SELP: variants seen among roughly 807,000 people sequenced by gnomAD.
SELP encodes the protein P-selectin.
SELP carries 92 observed loss-of-function variants against 104.1 expected under a neutral mutation model. The observed-to-expected ratio is 0.88, with a 90% CI of 0.75 to 1.05. The LOEUF is 1.05. Among genes scored for constraint, SELP ranks in the 50% least tolerant of loss-of-function variants. SELP has a pLI of 0.00. For synonymous variants in SELP, 397 were observed against 364.5 expected, an observed-to-expected ratio of 1.09 and a Z score of -1.01; for missense variants, 1,022 against 1,017.3, an observed-to-expected ratio of 1.00 and a Z score of -0.06.
intron 12 of SELP, 70 bp downstream of exon 12, chr1:169,595,855 C>T (rs1399289775): frequency 1.4e-6 from 2 of 1,415,110 alleles, no homozygotes; most frequent in Admixed American, 1.7e-5. Context: ...CTTCAACATA[C>T]AGGCACAATG....
chr1:169,609,975 A>G (rs1291043444), intron 7 of SELP, among the ~76,000 whole-genome samples: 1 of 152,090 alleles, frequency 6.6e-6, no homozygotes, highest in Non-Finnish European at 1.5e-5. Context: ...GTGCTCCCAC[A>G]GCCTCTGTTC....
intron 10 of SELP, among the ~76,000 whole-genome samples, chr1:169,602,601 G>C (rs779154795): frequency 3.9e-5 from 6 of 152,064 alleles, no homozygotes; most frequent in Non-Finnish European, 7.4e-5. Context: ...TGACATGAAA[G>C]CACTTCCTGA....
intron 2 of SELP, among the ~76,000 whole-genome samples, 183 bp from the exon 3 acceptor site, chr1:169,617,597 A>G (rs983135646): frequency 1.3e-5 from 2 of 152,222 alleles, no homozygotes; most frequent in Non-Finnish European, 2.9e-5. Context: ...CTTTCACTTA[A>G]AAGTGTGAAT....
chr1:169,608,298 C>T (rs1454696205), intron 8 of SELP, among the ~76,000 whole-genome samples: 3 of 151,998 alleles, frequency 2.0e-5, no homozygotes, highest in African/African-American at 4.8e-5. Flanking sequence ...CACCATTATT[C>T]ATCTCCAAAA....
At chr1:169,616,679 C>T (rs1435283216) in intron 3 of SELP, among the ~76,000 whole-genome samples, 1 of 152,164 alleles carries the variant, frequency 6.6e-6, no homozygotes, top group East Asian at 1.9e-4. Flanking sequence ...AAAAAAAGCT[C>T]TACACCTAAA....
In SELP at chr1:169,607,092, A is replaced by G. The variant is rs746326754; in HGVS notation, c.1376T>C (p.Val459Ala). ...GGCACCGAAGGGGTGGGAGCAGTTCACCCGGGCCTCATTTGGAACTGGGAG... is the reference window on the plus strand; with the variant it reads ...GGCACCGAAGGGGTGGGAGCAGTTCGCCCGGGCCTCATTTGGAACTGGGAG... ...QDLPVPNEAR[V>A]NCSHPFGAFR... Residue 459 changes from valine to alanine, a missense_variant, in exon 9 of 17, where the codon GTG becomes GCG. Val to Ala is a moderately conservative substitution (Grantham distance 64, BLOSUM62 0). Transcript: ENST00000263686. 6 of 1,607,810 alleles carry G rather than the reference A, an allele frequency of 3.7e-6. No individual in the cohort carries two copies. In the Admixed American group the frequency reaches 1.0e-4, roughly 27 times the overall value.
Position 169,617,253 on chromosome 1 carries a change from A to G in SELP, c.256T>C (p.Tyr86His). 1.2e-6 allele frequency: 2 copies of G among 1,614,144 alleles called. No individual in the cohort carries two copies. Among genetic ancestry groups the G allele is most frequent in the Non-Finnish European group, 1.7e-6 (2 of 1,180,016 alleles). ...ATCCCAATCCAGTAGTAGGAGCTGT[A>G]GTAGGGTAGGACCTTATTGAGGTAA... ...IDYLNKVLPY[Y>H]SSYYWIGIRK... Residue 86 changes from tyrosine to histidine, a missense_variant, in exon 3 of 17, where the codon TAC (tyrosine) becomes CAC (histidine). By Grantham distance (83) the Tyr-to-His change is moderately conservative (BLOSUM62 2). Coordinates refer to ENST00000263686, the MANE Select transcript of SELP (RefSeq NM_003005.4).
chr1:169,597,182 G>C lies in SELP; in HGVS notation c.1706-6C>G. 1 of 1,579,994 alleles carries C rather than the reference G, an allele frequency of 6.3e-7. No homozygotes were observed. The highest frequency in any genetic ancestry group is 8.6e-7 in the Non-Finnish European group (1 of 1,161,156). On this transcript the variant is annotated splice_region_variant and splice_polypyrimidine_tract_variant and intron_variant, in intron 10 of 16. Coordinates refer to ENST00000263686, the MANE Select transcript of SELP (RefSeq NM_003005.4). ...GAGTTCTGGGCACTTGATGGCTAGA[G>C]TATCAAATTAAGAGTGTCACAATCT...
intron 1 of SELP, among the ~76,000 whole-genome samples, chr1:169,621,578 A>G (rs1663139966): frequency 6.6e-6 from 1 of 152,046 alleles, no homozygotes; most frequent in African/African-American, 2.4e-5. Context: ...GTGTTCATGC[A>G]CTTTTGACTA....
intron 10 of SELP, among the ~76,000 whole-genome samples, chr1:169,598,663 A>G (rs1661747784): frequency 6.6e-6 from 1 of 152,218 alleles, no homozygotes; most frequent in Non-Finnish European, 1.5e-5. Context: ...CACAAAAATA[A>G]CTTTTTCATA....
rs374886427 is a variant in SELP, at chr1:169,618,274, A to G, written c.94+855T>C. On this transcript the variant is annotated intron_variant, in intron 2 of 16. Coordinates refer to ENST00000263686, the MANE Select transcript of SELP (RefSeq NM_003005.4). ...GGGAAATCAGATATCCTGATCTGCA[A>G]TCTTATAGTCTTTCCATTCTTCTTG... Among the ~76,000 whole-genome samples the G allele has an allele frequency of 1.2e-3, 187 of 152,268 alleles. 3 individuals are homozygous for G. The South Asian group carries it at 0.038, about 31-fold the overall frequency.
chr1:169,613,192 A>G, intron 4 of SELP, 78 bp from the exon 5 acceptor site: 2 of 1,342,960 alleles, frequency 1.5e-6, no homozygotes, highest in Non-Finnish European at 2.0e-6. Flanking sequence ...AGCTGTAACT[A>G]TTTGTGTAAC....
At position 169,612,418 on chromosome 1, in the gene SELP, G is replaced by C; in HGVS notation, c.776-16C>G. The C allele has an allele frequency of 6.2e-7, 1 of 1,612,386 alleles. No homozygotes were observed. The highest frequency in any genetic ancestry group is 8.5e-7 in the Non-Finnish European group (1 of 1,178,648). ...CACTGGGCAGCTAAAACCAACCACA[G>C]AATAATAGTGTGAGTCCTTGGACAA... On this transcript the variant is annotated splice_polypyrimidine_tract_variant and intron_variant, in intron 5 of 16. Coordinates refer to ENST00000263686, the MANE Select transcript of SELP (RefSeq NM_003005.4).
chr1:169,618,998 C>A, intron 2 of SELP, 131 bp downstream of exon 2: 1 of 653,668 alleles, frequency 1.5e-6, no homozygotes, highest in Non-Finnish European at 2.6e-6. Flanking sequence ...CATTTGTCTT[C>A]CAGCAATCTG....
At position 169,599,999 on chromosome 1, in the gene SELP, T is replaced by G. The variant is rs535586876; in HGVS notation, c.1706-2823A>C. ...AATTCAGCAGTCTGTATCATGAAAG[T>G]GGTCCAACAGGCAGGGACAGGAGGG... is the stretch of plus-strand genomic sequence containing the variant. On this transcript the variant is annotated intron_variant, in intron 10 of 16. Coordinates refer to ENST00000263686, the MANE Select transcript of SELP (RefSeq NM_003005.4). 2.8e-4 allele frequency among the ~76,000 whole-genome samples: 43 copies of G among 152,260 alleles called. No individual in the cohort carries two copies. The South Asian group carries it at 8.1e-3, about 29-fold the overall frequency.
At chr1:169,620,872 T>C (rs1320218201) in intron 1 of SELP, among the ~76,000 whole-genome samples, 2 of 116,356 alleles carry the variant, frequency 1.7e-5, no homozygotes, top group Non-Finnish European at 3.5e-5. Flanking sequence ...TGCATGGGAC[T>C]GTGTGGAGTT....
chr1:169,609,694 G>A lies in SELP; in HGVS notation c.1148-5C>T, dbSNP rs1480152479. The A allele has an allele frequency of 6.2e-7, 1 of 1,604,838 alleles. No homozygotes were observed. The highest frequency in any genetic ancestry group is 2.2e-5 in the East Asian group (1 of 44,754). On this transcript the variant is annotated splice_region_variant and splice_polypyrimidine_tract_variant and intron_variant, in intron 7 of 16. Coordinates refer to ENST00000263686, the MANE Select transcript of SELP (RefSeq NM_003005.4). ...CCAGCGGCTCACACGAAATAGCTAA[G>A]TGGAAAAGGTATCTTCTAAAGCCAG...
At position 169,630,066 on chromosome 1, in the gene SELP, A is replaced by G. The variant is rs1163956710; in HGVS notation, c.3+6T>C. 1.1e-5 allele frequency: 18 copies of G among 1,614,046 alleles called. No individual in the cohort carries two copies. The highest frequency in any genetic ancestry group is 1.6e-4 in the Middle Eastern group (1 of 6,062). ...CCACTTCCCATGCAGAAAAAAATAAACTCACCATCTCCTCTGTGACTCTGC... is the reference window on the plus strand; with the variant it reads ...CCACTTCCCATGCAGAAAAAAATAAGCTCACCATCTCCTCTGTGACTCTGC... On this transcript the variant is annotated splice_donor_region_variant and intron_variant, in intron 1 of 16. Coordinates refer to ENST00000263686, the MANE Select transcript of SELP (RefSeq NM_003005.4).
chr1:169,601,884 T>C (rs1029259083), intron 10 of SELP, among the ~76,000 whole-genome samples: 1 of 116,628 alleles, frequency 8.6e-6, no homozygotes, highest in African/African-American at 2.7e-5. Context: ...CATTAAGCAA[T>C]AATTATTACC....
Sources: gnomAD v4.1 joint callset for allele counts (sites outside exome capture counted in the v4.1 genomes callset) on GRCh38, gnomAD v4.1.1 for gene constraint, MANE v1.5 for transcripts, NCBI Gene and HGNC (gene_info 2026-07-23, HGNC 2026-07-21) for gene names.